The following FOXK2 variants were observed in gnomAD, a reference collection of about 807,000 sequenced individuals.
The protein encoded by FOXK2 is forkhead box K2.
A neutral mutation model predicts 53.3 loss-of-function variants in FOXK2; 24 were observed. That is an observed-to-expected ratio of 0.45 (90% CI 0.33 to 0.63). The LOEUF (loss-of-function observed/expected upper bound fraction) is 0.63, where lower values mean the gene tolerates loss of function less well. FOXK2 is among the 30% of genes least tolerant of loss of function. The pLI is 0.03. For synonymous variants in FOXK2, 505 were observed against 407.1 expected, an observed-to-expected ratio of 1.24 and a Z score of -2.89; for missense variants, 952 against 910.5, an observed-to-expected ratio of 1.05 and a Z score of -0.59.
At chr17:82,595,160 C>T (rs2045297010) in intron 8 of FOXK2, among the ~76,000 whole-genome samples, 1 of 152,170 alleles carries the variant, frequency 6.6e-6, no homozygotes, top group Admixed American at 6.5e-5. Context: ...TTTGGTGTGC[C>T]GTGGGGCAGG....
chr17:82,587,883 G>T (rs1250416015), intron 8 of FOXK2, among the ~76,000 whole-genome samples: 1 of 152,210 alleles, frequency 6.6e-6, no homozygotes, highest in Non-Finnish European at 1.5e-5. Flanking sequence ...GCTGCTCTGG[G>T]TTGGGTACAT....
At chr17:82,552,093 G>A (rs533083171) in intron 1 of FOXK2, among the ~76,000 whole-genome samples, 3 of 152,184 alleles carry the variant, frequency 2.0e-5, no homozygotes, top group African/African-American at 7.2e-5. Context: ...CTCCATGTCC[G>A]CACTCCCCTC....
rs909481919 is a variant in FOXK2 at position 82,571,974 on chromosome 17, G to C, written c.909+104G>C. On this transcript the variant is annotated intron_variant, in intron 4 of 8. Transcript: ENST00000335255. ...AGGCACAGGATAGGAAGGTAGAAGGGGGGGTTGGAGCCTCCCGTGCTGAGA... is the reference window on the plus strand; with the variant it reads ...AGGCACAGGATAGGAAGGTAGAAGGCGGGGTTGGAGCCTCCCGTGCTGAGA... 9.2e-5 allele frequency: 109 copies of C among 1,180,250 alleles called. 1 individual carries two copies. The highest frequency in any genetic ancestry group is 4.9e-4 in the Middle Eastern group (2 of 4,082). The allele number at this position is 1,180,250 out of a possible 1,614,324, so 73.1% of individuals were successfully genotyped here.
At chr17:82,529,143 A>T (rs982814481) in intron 1 of FOXK2, among the ~76,000 whole-genome samples, 2 of 150,542 alleles carry the variant, frequency 1.3e-5, no homozygotes, top group Admixed American at 6.6e-5. Flanking sequence ...AGTTTTAATA[A>T]TTTTTTTTAC....
In FOXK2 at chr17:82,519,810, C is replaced by G. The variant is rs1309766382; in HGVS notation, c.-79C>G. Reference sequence around the variant, plus strand: ...TCCCTCAGCTCCGGTGCGCGGCGGCCGACGACCCGCGCGGCCTGGGCCTCG... The same window carrying G: ...TCCCTCAGCTCCGGTGCGCGGCGGCGGACGACCCGCGCGGCCTGGGCCTCG... On this transcript the variant is annotated 5_prime_UTR_variant, in exon 1 of 9. Transcript: ENST00000335255. The G allele has an allele frequency of 1.4e-5, 7 of 491,692 alleles. No individual in the cohort carries two copies. Among genetic ancestry groups the G allele is most frequent in the African/African-American group, 2.1e-5 (1 of 47,206 alleles). The allele number at this position is 491,692 out of a possible 1,614,324, so 30.5% of individuals were successfully genotyped here. A position where few individuals can be genotyped will look rare whatever the true frequency, so the allele number is the denominator to read the frequency against.
At position 82,520,245 on chromosome 17, in the gene FOXK2, C is replaced by A; in HGVS notation, c.357C>A (p.Asn119Lys). The change falls in exon 1 of 9, where the codon AAC (asparagine) becomes AAA (lysine). Residue 119 changes from asparagine (N) to lysine (K), a missense_variant. Around this residue, in one of 5 missense-constraint regions of FOXK2, gnomAD observed 76 missense variants for 128.2 expected, o/e 0.59. Coordinates refer to ENST00000335255, the MANE Select transcript of FOXK2 (RefSeq NM_004514.4). ...TCTACCTGCGCTGCTTGGGCAAGAA[C>A]GGGGTATTCGTGGACGGCGTGTTCC... ...GDFYLRCLGK[N>K]GVFVDGVFQR... The A allele has an allele frequency of 7.7e-7, 1 of 1,291,658 alleles. No homozygotes were observed. The highest frequency in any genetic ancestry group is 9.8e-7 in the Non-Finnish European group (1 of 1,017,004). 80.0% of individuals were successfully genotyped at this position (1,291,658 alleles called of 1,614,324 possible).
intron 6 of FOXK2, among the ~76,000 whole-genome samples, chr17:82,584,533 G>GA (rs1275982315): frequency 1.5e-5 from 2 of 135,486 alleles, no homozygotes; most frequent in Non-Finnish European, 3.1e-5. Context: ...CTAGACACTG[G>GA]AAGCAAAAAC....
intron 3 of FOXK2, among the ~76,000 whole-genome samples, chr17:82,568,630 T>C (rs1174491859): frequency 6.6e-6 from 1 of 152,256 alleles, no homozygotes; most frequent in Non-Finnish European, 1.5e-5. Flanking sequence ...AGAGTCACAC[T>C]ATGACCTGGC....
chr17:82,551,083 C>T (rs565773224), intron 1 of FOXK2, among the ~76,000 whole-genome samples: 15 of 151,900 alleles, frequency 9.9e-5, no homozygotes, highest in South Asian at 8.3e-4. Context: ...TTTGGGAGGC[C>T]GAGGCGGGCG....
chr17:82,531,574 C>T (rs1048095179), intron 1 of FOXK2, among the ~76,000 whole-genome samples: 1 of 152,166 alleles, frequency 6.6e-6, no homozygotes, highest in Non-Finnish European at 1.5e-5. Context: ...TATCCTGTTG[C>T]GCCTACAGCC....
In FOXK2 at chr17:82,602,926, T is replaced by TA. The variant is rs1183999391; in HGVS notation, c.*1428dup. 2.0e-5 allele frequency: 3 copies of TA among 151,912 alleles called. No individual in the cohort carries two copies. The highest frequency in any genetic ancestry group is 6.5e-5 in the Admixed American group (1 of 15,280). The allele number at this position is 151,912 out of a possible 1,614,324, so 9.4% of individuals were successfully genotyped here. On this transcript the variant is annotated 3_prime_UTR_variant, in exon 9 of 9. Transcript: ENST00000335255. ...GTTATTTTGGTATTTAATTTTTTTT[T>TA]AGAGAGGAAAAAACCTGTATTTTCC...
At chr17:82,568,502 G>A (rs866276213) in intron 3 of FOXK2, among the ~76,000 whole-genome samples, 1 of 152,236 alleles carries the variant, frequency 6.6e-6, no homozygotes, top group Non-Finnish European at 1.5e-5. Flanking sequence ...TGGAGCTCAT[G>A]TGTGTTTGTG....
chr17:82,569,526 C>T (rs2044890031), intron 3 of FOXK2, among the ~76,000 whole-genome samples: 1 of 152,088 alleles, frequency 6.6e-6, no homozygotes, highest in Non-Finnish European at 1.5e-5. Context: ...CTGGTGGTGC[C>T]CTGTCTCTTG....
chr17:82,543,337 G>A (rs1461193113), intron 1 of FOXK2, among the ~76,000 whole-genome samples: 1 of 152,162 alleles, frequency 6.6e-6, no homozygotes, highest in Non-Finnish European at 1.5e-5. Context: ...CTGCAGCCTG[G>A]AACTCCCGGG....
chr17:82,576,871 G>A (rs2044992915), intron 4 of FOXK2: 2 of 510,478 alleles, frequency 3.9e-6, no homozygotes, highest in Non-Finnish European at 7.1e-6. Flanking sequence ...CCAAAAAAAT[G>A]TATGCAGGCT....
intron 7 of FOXK2, among the ~76,000 whole-genome samples, 157 bp from the exon 8 acceptor site, chr17:82,586,906 C>CA (rs990332457): frequency 5.3e-5 from 8 of 151,504 alleles, no homozygotes; most frequent in Non-Finnish European, 3.0e-5. Flanking sequence ...TCTCAAAAAA[C>CA]AAAAAAAAGA....
intron 1 of FOXK2, among the ~76,000 whole-genome samples, chr17:82,555,115 C>T (rs1196459502): frequency 6.6e-6 from 1 of 152,154 alleles, no homozygotes; most frequent in Non-Finnish European, 1.5e-5. Flanking sequence ...ATGAGACAGC[C>T]CCCTCATCAG....
At chr17:82,534,376 C>G (rs1478222916) in intron 1 of FOXK2, among the ~76,000 whole-genome samples, 3 of 152,188 alleles carry the variant, frequency 2.0e-5, no homozygotes, top group African/African-American at 4.8e-5. Context: ...ACTTGTCGTA[C>G]TGCTTGATAG....
chr17:82,581,531 A>C (rs1459146794), intron 4 of FOXK2, among the ~76,000 whole-genome samples: 3 of 147,630 alleles, frequency 2.0e-5, no homozygotes, highest in Non-Finnish European at 3.0e-5. Context: ...GCTGGAGTGC[A>C]GTGGCGCAAT....
Sources: gnomAD v4.1 joint callset for allele counts (sites outside exome capture counted in the v4.1 genomes callset) on GRCh38, gnomAD v4.1.1 for gene constraint, gnomAD v4.1.1 regional missense constraint, MANE v1.5 for transcripts, NCBI Gene and HGNC (gene_info 2026-07-23, HGNC 2026-07-21) for gene names.